Variants in PTPRD observed in about 807,000 individuals in gnomAD.
The protein encoded by PTPRD is receptor-type tyrosine-protein phosphatase delta.
Under a neutral mutation model 214.5 loss-of-function variants are expected in PTPRD, and 34 were observed. The ratio of observed to expected loss-of-function variants is 0.16; its 90% CI spans 0.12 to 0.21. PTPRD has a LOEUF of 0.21. Among genes scored for constraint, PTPRD ranks in the 10% least tolerant of loss-of-function variants. The pLI, the probability that PTPRD is intolerant of heterozygous loss-of-function variation, is 1.00. For missense variants in PTPRD, 2,545 were observed against 2,398.7 expected (o/e 1.06, Z -1.27); for synonymous variants, 1,128 against 845.7 (o/e 1.33, Z -5.79).
At chr9:9,755,699 TA>T (rs1338140789) in intron 6 of PTPRD, among the ~76,000 whole-genome samples, 1 of 152,046 alleles carries the variant, frequency 6.6e-6, no homozygotes, top group Non-Finnish European at 1.5e-5. Context: ...AGCAATTGTA[TA>T]AAAGAATACA....
intron 5 of PTPRD, among the ~76,000 whole-genome samples, chr9:9,798,397 G>C (rs2099017575): frequency 6.6e-6 from 1 of 152,104 alleles, no homozygotes; most frequent in Admixed American, 6.5e-5. Context: ...AGTATGATTG[G>C]ACAAAAAGGA....
chr9:10,246,079 C>G (rs929614510), intron 3 of PTPRD, among the ~76,000 whole-genome samples: 2 of 152,090 alleles, frequency 1.3e-5, no homozygotes, highest in Non-Finnish European at 2.9e-5. Flanking sequence ...TTTAAACCCT[C>G]TAGCAATCAC....
At chr9:8,611,567 T>C (rs1048267365) in intron 14 of PTPRD, among the ~76,000 whole-genome samples, 6 of 151,950 alleles carry the variant, frequency 3.9e-5, no homozygotes. Flanking sequence ...TAGCAGGGCA[T>C]GGTGGTGTGC....
At chr9:9,830,935 C>A (rs1352012891) in intron 5 of PTPRD, among the ~76,000 whole-genome samples, 1 of 151,768 alleles carries the variant, frequency 6.6e-6, no homozygotes, top group Non-Finnish European at 1.5e-5. Context: ...AGGTATCAGA[C>A]CCTCAAGAAT....
chr9:9,310,715 C>G (rs1349140482), intron 9 of PTPRD, among the ~76,000 whole-genome samples: 1 of 151,850 alleles, frequency 6.6e-6, no homozygotes, highest in Admixed American at 6.6e-5. Context: ...GTTGGAAGTT[C>G]GAGACAAGCC....
chr9:8,874,948 A>C (rs2098366585), intron 11 of PTPRD, among the ~76,000 whole-genome samples: 1 of 152,170 alleles, frequency 6.6e-6, no homozygotes, highest in Non-Finnish European at 1.5e-5. Context: ...TGGTGGATGC[A>C]GAGGAGATTC....
intron 11 of PTPRD, among the ~76,000 whole-genome samples, chr9:8,834,875 A>T (rs1361537241): frequency 6.6e-6 from 1 of 152,232 alleles, no homozygotes; most frequent in African/African-American, 2.4e-5. Context: ...TCAGAGCAGA[A>T]AAGCAAGTGA....
chr9:8,792,963 G>C lies in PTPRD; in HGVS notation c.-103-59017C>G, dbSNP rs961466759. On this transcript the variant is annotated intron_variant, in intron 11 of 45. Coordinates refer to ENST00000381196, the MANE Select transcript of PTPRD (RefSeq NM_002839.4). The stretch of plus-strand genomic sequence containing the variant: ...ATCATTTAAGATCTTTACATTTCAA[G>C]GGATCAGTAGGAAAAGTGGTACAAT... Among the ~76,000 whole-genome samples the C allele has an allele frequency of 1.8e-4, 28 of 152,048 alleles. 1 individual carries two copies. Among genetic ancestry groups the C allele is most frequent in the African/African-American group, 6.8e-4 (28 of 41,394 alleles).
intron 5 of PTPRD, among the ~76,000 whole-genome samples, chr9:9,849,352 T>A (rs975480028): frequency 6.6e-6 from 1 of 151,174 alleles, no homozygotes; most frequent in African/African-American, 2.4e-5. Context: ...AGGCATCAAA[T>A]AAAAAAAAAT....
At chr9:8,794,287 C>G (rs1018333863) in intron 11 of PTPRD, among the ~76,000 whole-genome samples, 2 of 152,018 alleles carry the variant, frequency 1.3e-5, no homozygotes, top group African/African-American at 4.8e-5. Flanking sequence ...TAACTTAAGG[C>G]AGAAAGGGGA....
chr9:9,574,025 T>A (rs1465563972), intron 8 of PTPRD, among the ~76,000 whole-genome samples: 3 of 151,860 alleles, frequency 2.0e-5, no homozygotes, highest in African/African-American at 7.2e-5. Context: ...ATATTTATTA[T>A]AAAGTAAATC....
At chr9:9,098,498 C>T (rs2099786871) in intron 10 of PTPRD, among the ~76,000 whole-genome samples, 1 of 152,162 alleles carries the variant, frequency 6.6e-6, no homozygotes, top group African/African-American at 2.4e-5. Context: ...ATCCACCAGC[C>T]TCAGCCTCCC....
chr9:8,325,104 A>G lies in PTPRD; in HGVS notation c.5535-5138T>C, dbSNP rs185712051. 1.3e-3 allele frequency among the ~76,000 whole-genome samples: 187 copies of G among 148,470 alleles called. 18 individuals carry two copies. The highest frequency in any genetic ancestry group is 4.6e-3 in the African/African-American group (183 of 39,742). Reference sequence around the variant, plus strand: ...TGTGCAGAAGCTCTTTAGTTTAATTAGATCCCATTTGCCACTTTTGGCTTT... The same window carrying G: ...TGTGCAGAAGCTCTTTAGTTTAATTGGATCCCATTTGCCACTTTTGGCTTT... On this transcript the variant is annotated intron_variant, in intron 44 of 45. Coordinates refer to ENST00000381196, the MANE Select transcript of PTPRD (RefSeq NM_002839.4).
intron 3 of PTPRD, among the ~76,000 whole-genome samples, chr9:10,200,639 A>C (rs192114152): frequency 1.3e-5 from 2 of 152,212 alleles, no homozygotes; most frequent in East Asian, 3.9e-4. Context: ...AAATAAACAG[A>C]ATCACAAAGA....
chr9:9,301,821 T>C (rs1360496721), intron 9 of PTPRD, among the ~76,000 whole-genome samples: 1 of 151,916 alleles, frequency 6.6e-6, no homozygotes, highest in Non-Finnish European at 1.5e-5. Context: ...ATAAGAGATA[T>C]GTCCCTAGAA....
chr9:8,453,371 A>G (rs937381447), intron 33 of PTPRD, among the ~76,000 whole-genome samples: 1 of 151,840 alleles, frequency 6.6e-6, no homozygotes, highest in East Asian at 1.9e-4. Flanking sequence ...TCGCCGTGTT[A>G]GTCAGGATGG....
intron 3 of PTPRD, among the ~76,000 whole-genome samples, chr9:10,119,381 A>T (rs189315453): frequency 2.0e-5 from 3 of 152,166 alleles, no homozygotes; most frequent in Admixed American, 2.0e-4. Flanking sequence ...GATTGATCAC[A>T]TCTGTTGAGA....
At chr9:8,434,230 C>A (rs915859181) in intron 35 of PTPRD, among the ~76,000 whole-genome samples, 8 of 152,176 alleles carry the variant, frequency 5.3e-5, no homozygotes, top group Admixed American at 5.2e-4. Flanking sequence ...GATCCACCTG[C>A]TTTGGCCTCC....
At chr9:10,410,270 T>TATATACAC (rs532202941) in intron 2 of PTPRD, among the ~76,000 whole-genome samples, 3,102 of 139,774 alleles carry the variant, frequency 0.022, 138 homozygotes, top group African/African-American at 0.076. Flanking sequence ...TATATATATA[T>TATATACAC]ACACACACAC....
Sources: gnomAD v4.1 joint callset for allele counts (sites outside exome capture counted in the v4.1 genomes callset) on GRCh38, gnomAD v4.1.1 for gene constraint, MANE v1.5 for transcripts, NCBI Gene and HGNC (gene_info 2026-07-23, HGNC 2026-07-21) for gene names.